ATG2B: variants seen among roughly 807,000 people sequenced by gnomAD.
ATG2B encodes autophagy-related protein 2 homolog B.
In ATG2B, 121 loss-of-function variants were observed where a neutral mutation model predicts 241.3. The ratio of observed to expected loss-of-function variants is 0.50; its 90% CI spans 0.43 to 0.58. ATG2B has a LOEUF of 0.58. Among genes scored for constraint, ATG2B ranks in the 20% least tolerant of loss-of-function variants. ATG2B has a pLI of 0.00. For missense variants in ATG2B, 2,306 were observed against 2,491.6 expected, an observed-to-expected ratio of 0.93 and a Z score of 1.59; for synonymous variants, 858 against 876.6, an observed-to-expected ratio of 0.98 and a Z score of 0.37.
intron 35 of ATG2B, 39 bp downstream of exon 35, chr14:96,295,443 G>A (rs747041794): frequency 1.5e-6 from 2 of 1,345,258 alleles, no homozygotes; most frequent in Admixed American, 4.6e-5. Context: ...ATCAATCCAA[G>A]TACTTGGTAT....
intron 34 of ATG2B, among the ~76,000 whole-genome samples, chr14:96,299,574 A>C (rs1397801897): frequency 1.3e-5 from 2 of 152,170 alleles, no homozygotes; most frequent in African/African-American, 2.4e-5. Flanking sequence ...TACAAAACTA[A>C]AATGGATAAT....
At position 96,363,065 on chromosome 14, in the gene ATG2B, G is replaced by C. The variant is rs564256279; in HGVS notation, c.-89C>G. ...CGACTCCGGCTCCAGGCCGCGGCGG[G>C]GCCTAAGCCTGGGGCGGCCCCTCCA... On this transcript the variant is annotated 5_prime_UTR_variant, in exon 1 of 42. Transcript: ENST00000359933. 5.3e-5 allele frequency: 80 copies of C among 1,504,082 alleles called. No homozygotes were observed. The highest frequency in any genetic ancestry group is 7.1e-5 in the Non-Finnish European group (77 of 1,089,822). The allele number at this position is 1,504,082 out of a possible 1,614,324, so 93.2% of individuals were successfully genotyped here. A position where few individuals can be genotyped will look rare whatever the true frequency, so the allele number is the denominator to read the frequency against.
At position 96,316,561 on chromosome 14, in the gene ATG2B, A is replaced by G; in HGVS notation, c.3333T>C (p.His1111=). 6 of 1,613,692 alleles carry G rather than the reference A, an allele frequency of 3.7e-6. No homozygotes were observed. The highest frequency in any genetic ancestry group is 5.1e-6 in the Non-Finnish European group (6 of 1,179,842). The change falls in exon 21 of 42, where the codon CAT becomes CAC. Residue 1111 remains histidine (H), a synonymous_variant. Coordinates refer to ENST00000359933, the MANE Select transcript of ATG2B (RefSeq NM_018036.7). ...TATGGTACAGACTGAAACTGCTAGAATGAAGGCAAATGTAGTGCTTGTCAT... is the reference window on the plus strand; with the variant it reads ...TATGGTACAGACTGAAACTGCTAGAGTGAAGGCAAATGTAGTGCTTGTCAT... ...GFDDKHYICL[H]SSSFSLYHKG...
Position 96,317,744 on chromosome 14 carries a change from A to C in ATG2B, c.2991T>G (p.Thr997=), listed in dbSNP as rs780331272. The C allele has an allele frequency of 6.2e-7, 1 of 1,612,180 alleles. No homozygotes were observed. The highest frequency in any genetic ancestry group is 2.2e-5 in the East Asian group (1 of 44,824). The change falls in exon 19 of 42, where the codon ACT becomes ACG. Residue 997 remains threonine, a synonymous_variant. Transcript: ENST00000359933. ...ATGCACTAAAACTATCTTTGTTGAA[A>C]GTATTAATGAGCTGACTGGCTACTG... ...GLSVASQLIN[T]FNKDSFSAFK... is the part of the protein sequence containing the mutation.
intron 28 of ATG2B, among the ~76,000 whole-genome samples, chr14:96,310,864 A>G (rs1308886581): frequency 6.6e-6 from 1 of 152,226 alleles, no homozygotes; most frequent in Non-Finnish European, 1.5e-5. Context: ...ACAGATGAAA[A>G]TAACAAGTCT....
intron 41 of ATG2B, among the ~76,000 whole-genome samples, chr14:96,286,281 A>G (rs1233139213): frequency 6.6e-6 from 1 of 152,236 alleles, no homozygotes; most frequent in Non-Finnish European, 1.5e-5. Context: ...CTTTGCTGGT[A>G]CTATTAATCA....
chr14:96,318,896 G>A (rs754297540), intron 18 of ATG2B, among the ~76,000 whole-genome samples: 18 of 152,224 alleles, frequency 1.2e-4, no homozygotes, highest in Non-Finnish European at 2.2e-4. Context: ...GAATTTTCTC[G>A]TTTCCCCTTT....
At chr14:96,348,835 A>T (rs1888239676) in intron 1 of ATG2B, among the ~76,000 whole-genome samples, 1 of 152,204 alleles carries the variant, frequency 6.6e-6, no homozygotes, top group Non-Finnish European at 1.5e-5. Flanking sequence ...CCCTGATGTA[A>T]TTATTAGGCA....
intron 16 of ATG2B, 130 bp downstream of exon 16, chr14:96,323,766 C>A: frequency 1.4e-6 from 1 of 697,094 alleles, no homozygotes; most frequent in Non-Finnish European, 2.5e-6. Flanking sequence ...CCAATCATCA[C>A]GCTTATGAAC....
intron 6 of ATG2B, among the ~76,000 whole-genome samples, chr14:96,334,951 G>T (rs572511436): frequency 2.0e-5 from 3 of 152,314 alleles, no homozygotes; most frequent in South Asian, 4.1e-4. Flanking sequence ...AGCAGAGCAT[G>T]TAAGGACCTT....
At chr14:96,305,157 ACTCGT>A (rs1886904081) in intron 31 of ATG2B, among the ~76,000 whole-genome samples, 1 of 152,050 alleles carries the variant, frequency 6.6e-6, no homozygotes, top group Non-Finnish European at 1.5e-5. Context: ...GGCACACTGC[ACTCGT>A]CTCACAGGCG....
chr14:96,285,432 A>C lies in ATG2B; in HGVS notation c.*323T>G. The C allele has an allele frequency of 3.3e-6, 1 of 298,800 alleles. No homozygotes were observed. 18.5% of individuals were successfully genotyped at this position (298,800 alleles called of 1,614,324 possible). Reference sequence around the variant, plus strand: ...ACTCCACAGAGCTACACAAAGTGTTAGAAGGCAGCTTCCAATGATCTCTCG... The same window carrying C: ...ACTCCACAGAGCTACACAAAGTGTTCGAAGGCAGCTTCCAATGATCTCTCG... On this transcript the variant is annotated 3_prime_UTR_variant, in exon 42 of 42. Transcript: ENST00000359933. This position sits in a 1 kb window ranked among gnomAD's most constrained non-coding sequence, Gnocchi z 4.2.
chr14:96,283,416 C>T lies in ATG2B; in HGVS notation c.*2339G>A, dbSNP rs941540730. 3 of 152,262 alleles carry T rather than the reference C, an allele frequency of 2.0e-5. No homozygotes were observed. The highest frequency in any genetic ancestry group is 7.2e-5 in the African/African-American group (3 of 41,454). 9.4% of individuals were successfully genotyped at this position (152,262 alleles called of 1,614,324 possible). A position where few individuals can be genotyped will look rare whatever the true frequency, so the allele number is the denominator to read the frequency against. On this transcript the variant is annotated 3_prime_UTR_variant, in exon 42 of 42. Coordinates refer to ENST00000359933, the MANE Select transcript of ATG2B (RefSeq NM_018036.7). ...GTGATGTCGCCAGAGAGGACTCTCA[C>T]TGGACGAGGCCCAGTGGTCTGAGGC...
intron 34 of ATG2B, among the ~76,000 whole-genome samples, chr14:96,300,758 A>T (rs1244649022): frequency 1.3e-5 from 2 of 152,212 alleles, no homozygotes; most frequent in Non-Finnish European, 2.9e-5. Flanking sequence ...CTGATTGGCA[A>T]GTCTAACCTA....
intron 32 of ATG2B, among the ~76,000 whole-genome samples, chr14:96,304,108 C>A (rs1013857359): frequency 2.6e-5 from 4 of 152,210 alleles, no homozygotes; most frequent in African/African-American, 9.7e-5. Flanking sequence ...GCCAGATGCA[C>A]TGTCCAAACA....
chr14:96,345,062 T>C (rs1214129750), intron 3 of ATG2B, among the ~76,000 whole-genome samples, 171 bp downstream of exon 3: 1 of 151,424 alleles, frequency 6.6e-6, no homozygotes, highest in East Asian at 1.9e-4. Flanking sequence ...AAAAACAACA[T>C]GCAATTAAAT....
intron 23 of ATG2B, among the ~76,000 whole-genome samples, chr14:96,314,364 T>C (rs1043937166): frequency 1.3e-5 from 2 of 152,208 alleles, no homozygotes; most frequent in African/African-American, 4.8e-5. Context: ...AATAACCAAT[T>C]GTATTTTATT....
chr14:96,304,872 T>G (rs1296120657), intron 31 of ATG2B, among the ~76,000 whole-genome samples: 3 of 152,176 alleles, frequency 2.0e-5, no homozygotes, highest in Non-Finnish European at 4.4e-5. Flanking sequence ...CTGGGATCCG[T>G]ATCACAGGAT....
intron 2 of ATG2B, 86 bp from the exon 3 acceptor site, chr14:96,345,471 A>C: frequency 9.9e-7 from 1 of 1,007,250 alleles, no homozygotes; most frequent in Non-Finnish European, 1.4e-6. Context: ...CAAATAGACA[A>C]ATTCTTAATC....
Sources: gnomAD v4.1 joint callset for allele counts (sites outside exome capture counted in the v4.1 genomes callset) on GRCh38, gnomAD v4.1.1 for gene constraint, Gnocchi (gnomAD v3.1) non-coding constraint, MANE v1.5 for transcripts, NCBI Gene and HGNC (gene_info 2026-07-23, HGNC 2026-07-21) for gene names.